The following ITGAM variants were observed in gnomAD, a reference collection of about 807,000 sequenced individuals.
ITGAM encodes integrin alpha-M.
A neutral mutation model predicts 137.5 loss-of-function variants in ITGAM; 79 were observed. That is an observed-to-expected ratio of 0.57 (90% confidence interval 0.48 to 0.69). ITGAM has a LOEUF of 0.69. Among genes scored for constraint, ITGAM ranks in the 30% least tolerant of loss-of-function variants. ITGAM has a pLI of 0.00. For synonymous variants in ITGAM, 583 were observed against 592.3 expected (o/e 0.98, Z 0.23); for missense variants, 1,343 against 1,483.5 (o/e 0.91, Z 1.56).
At chr16:31,294,043 T>G (rs1041709124) in intron 12 of ITGAM, among the ~76,000 whole-genome samples, 2 of 152,116 alleles carry the variant, frequency 1.3e-5, no homozygotes, top group African/African-American at 4.8e-5. Flanking sequence ...CAGCTCTTGT[T>G]GGTGTATAGG....
intron 5 of ITGAM, 46 bp downstream of exon 5, chr16:31,266,193 G>A: frequency 7.4e-7 from 1 of 1,359,822 alleles, no homozygotes; most frequent in Non-Finnish European, 1.0e-6. Flanking sequence ...CAAAAGACCA[G>A]GGGAGGGGGC....
intron 12 of ITGAM, among the ~76,000 whole-genome samples, chr16:31,291,180 A>AATCCT (rs2080083336): frequency 6.6e-6 from 1 of 152,192 alleles, no homozygotes; most frequent in African/African-American, 2.4e-5. Flanking sequence ...ATGCAGTAAA[A>AATCCT]ATCCTGGATA....
intron 14 of ITGAM, among the ~76,000 whole-genome samples, chr16:31,316,400 A>AT (rs889413209): frequency 6.6e-6 from 1 of 151,662 alleles, no homozygotes; most frequent in Non-Finnish European, 1.5e-5. Context: ...AAAAAAAAAA[A>AT]AGAAAAGAAA....
At chr16:31,310,773 G>C (rs1000883174) in intron 14 of ITGAM, among the ~76,000 whole-genome samples, 2 of 152,152 alleles carry the variant, frequency 1.3e-5, no homozygotes, top group Non-Finnish European at 2.9e-5. Context: ...GAGGCGCTCT[G>C]ATTTTTAGAG....
rs1296156057 is a variant in ITGAM, at chr16:31,271,059, A to G, written c.533A>G (p.Glu178Gly). The G allele has an allele frequency of 3.8e-6, 6 of 1,577,654 alleles. No homozygotes were observed. The highest frequency in any genetic ancestry group is 5.2e-6 in the Non-Finnish European group (6 of 1,158,138). The stretch of plus-strand genomic sequence containing the variant: ...AAGGAGTTTGTCTCAACTGTGATGG[A>G]GCAATTAAAAAAGTCCAAAACCTTG... ...RMKEFVSTVM[E>G]QLKKSKTLFS... The change falls in exon 6 of 30, where the codon GAG becomes GGG. Residue 178 changes from glutamate (E) to glycine (G), a missense_variant. Coordinates refer to ENST00000544665, the MANE Select transcript of ITGAM (RefSeq NM_000632.4).
At chr16:31,296,678 C>T (rs559784879) in intron 12 of ITGAM, among the ~76,000 whole-genome samples, 1 of 152,250 alleles carries the variant, frequency 6.6e-6, no homozygotes, top group Admixed American at 6.5e-5. Context: ...ACACATCTCC[C>T]TGTTAATCCA....
At chr16:31,265,235 C>G (rs2079750982) in intron 2 of ITGAM, among the ~76,000 whole-genome samples, 160 bp from the exon 3 acceptor site, 2 of 150,232 alleles carry the variant, frequency 1.3e-5, no homozygotes, top group African/African-American at 5.1e-5. Flanking sequence ...TGAGTCTTAA[C>G]ATTTTCCCAT....
intron 12 of ITGAM, among the ~76,000 whole-genome samples, chr16:31,287,536 A>G (rs1267930658): frequency 6.6e-6 from 1 of 151,924 alleles, no homozygotes; most frequent in Admixed American, 6.6e-5. Flanking sequence ...GTCGTCTCTG[A>G]TTTCTTTCAA....
intron 21 of ITGAM, 57 bp downstream of exon 21, chr16:31,325,679 T>C: frequency 6.4e-7 from 1 of 1,572,208 alleles, no homozygotes; most frequent in Non-Finnish European, 8.6e-7. Context: ...GGGATTCTTT[T>C]CTTCTTCTTC....
chr16:31,270,169 T>G (rs959362121), intron 5 of ITGAM, among the ~76,000 whole-genome samples: 4 of 149,466 alleles, frequency 2.7e-5, no homozygotes, highest in Non-Finnish European at 5.9e-5. Context: ...TTTCCTTTCC[T>G]TTCCTTTCCT....
At position 31,297,512 on chromosome 16, in the gene ITGAM, A is replaced by C; in HGVS notation, c.1357-2A>C. The C allele has an allele frequency of 6.2e-7, 1 of 1,611,994 alleles. No individual in the cohort carries two copies. The highest frequency in any genetic ancestry group is 8.5e-7 in the Non-Finnish European group (1 of 1,179,838). ...GTGTGATTACGGTCCTGTCTCTTTC[A>C]GATCGGCGCCTACTTCGGGGCCTCC... On this transcript the variant is annotated splice_acceptor_variant, in intron 12 of 29. Transcript: ENST00000544665. LOFTEE classifies it high-confidence loss of function.
chr16:31,271,171 C>A, intron 6 of ITGAM, 87 bp downstream of exon 6: 1 of 1,133,616 alleles, frequency 8.8e-7, no homozygotes, highest in South Asian at 2.6e-5. Flanking sequence ...CCTCCCAGTT[C>A]AACTGCAGAC....
intron 25 of ITGAM, 88 bp downstream of exon 25, chr16:31,329,993 C>T: frequency 6.5e-7 from 1 of 1,533,946 alleles, no homozygotes; most frequent in East Asian, 2.4e-5. Flanking sequence ...CCGCTCCGCC[C>T]CTCTCCTGGA....
At chr16:31,300,980 T>C (rs2080192271) in intron 14 of ITGAM, among the ~76,000 whole-genome samples, 1 of 152,150 alleles carries the variant, frequency 6.6e-6, no homozygotes, top group South Asian at 2.1e-4. Flanking sequence ...TTTTGGAGAT[T>C]AACCCCTTAT....
At position 31,277,961 on chromosome 16, in the gene ITGAM, CT is replaced by C; in HGVS notation, c.1214-4del. 6.3e-7 allele frequency: 1 copy of C among 1,585,840 alleles called. No homozygotes were observed. Among genetic ancestry groups the C allele is most frequent in the Non-Finnish European group, 8.6e-7 (1 of 1,165,698 alleles). ...TGCACTTCACCTCTCAGACCCCCAC[CT>C]TCAGGTTATGCTGCCGCCATCATCT... is the stretch of plus-strand genomic sequence containing the variant. On this transcript the variant is annotated splice_polypyrimidine_tract_variant and splice_region_variant and intron_variant, in intron 11 of 29. Coordinates refer to ENST00000544665, the MANE Select transcript of ITGAM (RefSeq NM_000632.4).
chr16:31,308,902 G>A (rs1255788204), intron 14 of ITGAM, among the ~76,000 whole-genome samples: 1 of 143,458 alleles, frequency 7.0e-6, no homozygotes, highest in Non-Finnish European at 1.5e-5. Flanking sequence ...CCTTCATTTT[G>A]TTATGTACCC....
intron 14 of ITGAM, among the ~76,000 whole-genome samples, chr16:31,299,826 CCCTCCTCGTCGTCCTCCTCTCCT>C (rs2080179446): frequency 7.5e-6 from 1 of 132,700 alleles, no homozygotes; most frequent in Non-Finnish European, 1.6e-5. Context: ...CCCCTCCTCC[CCCTCCTCGTCGTCCTCCTCTCCT>C]CCTCCTCCTC....
chr16:31,271,769 T>C (rs550576561), intron 6 of ITGAM, 78 bp from the exon 7 acceptor site: 1 of 1,558,866 alleles, frequency 6.4e-7, no homozygotes, highest in African/African-American at 1.4e-5. Context: ...GTGTTTAAGA[T>C]CTTCGTGGAG....
intron 14 of ITGAM, among the ~76,000 whole-genome samples, chr16:31,309,453 T>C (rs1035707326): frequency 7.0e-6 from 1 of 142,174 alleles, no homozygotes; most frequent in Non-Finnish European, 1.5e-5. Flanking sequence ...AAGACTGTTT[T>C]ACCCGAGACT....
Sources: allele counts gnomAD v4.1 joint callset (sites outside exome capture counted in the v4.1 genomes callset), GRCh38; gene constraint gnomAD v4.1.1; transcripts MANE v1.5; gene names NCBI Gene and HGNC (gene_info 2026-07-23, HGNC 2026-07-21).